ATE1: variants seen among roughly 807,000 people sequenced by gnomAD.
The protein encoded by ATE1 is arginyltransferase 1.
Under a neutral mutation model 70.5 loss-of-function variants are expected in ATE1, and 36 were observed. The ratio of observed to expected loss-of-function variants is 0.51; its 90% confidence interval spans 0.39 to 0.67. The LOEUF (loss-of-function observed/expected upper bound fraction) is 0.67. Among genes scored for constraint, ATE1 ranks in the 30% least tolerant of loss-of-function variants. ATE1 has a pLI of 0.00. For synonymous variants in ATE1, 232 were observed against 219.3 expected (o/e 1.06, Z -0.51); for missense variants, 593 against 629.5 (o/e 0.94, Z 0.62).
chr10:121,854,962 C>A (rs1949192136), intron 8 of ATE1, among the ~76,000 whole-genome samples: 1 of 152,128 alleles, frequency 6.6e-6, no homozygotes, highest in African/African-American at 2.4e-5. Context: ...CCAAAACAAA[C>A]CCACAGTTGC....
At chr10:121,795,597 C>A (rs900312828) in intron 10 of ATE1, among the ~76,000 whole-genome samples, 1 of 152,192 alleles carries the variant, frequency 6.6e-6, no homozygotes, top group Non-Finnish European at 1.5e-5. Flanking sequence ...TGCTCATCAT[C>A]TGAAATCACG....
intron 11 of ATE1, among the ~76,000 whole-genome samples, chr10:121,788,357 T>C (rs934795648): frequency 6.6e-5 from 10 of 152,220 alleles, no homozygotes; most frequent in South Asian, 2.1e-4. Context: ...CTAGGAAACC[T>C]AAACATCTAG....
rs564119220 is a variant in ATE1, at chr10:121,867,036, G to A, written c.975+2970C>T. 3.3e-3 allele frequency among the ~76,000 whole-genome samples: 504 copies of A among 152,124 alleles called. 2 individuals carry two copies. The highest frequency in any genetic ancestry group is 6.2e-3 in the Non-Finnish European group (419 of 68,010). ...TAACTACATTAAAATGTAAATATTGGAACTTGTCTACTTTTAGCTGAGTCC... is the reference window on the plus strand; with the variant it reads ...TAACTACATTAAAATGTAAATATTGAAACTTGTCTACTTTTAGCTGAGTCC... On this transcript the variant is annotated intron_variant, in intron 8 of 11. Coordinates refer to ENST00000224652, the MANE Select transcript of ATE1 (RefSeq NM_001001976.3).
chr10:121,902,504 C>A lies in ATE1; in HGVS notation c.700G>T (p.Ala234Ser). The A allele has an allele frequency of 7.4e-6, 12 of 1,614,160 alleles. No homozygotes were observed. Among genetic ancestry groups the A allele is most frequent in the Non-Finnish European group, 1.0e-5 (12 of 1,180,024 alleles). ...AACAAAGATGGTGGGTGACCTTGAG[C>A]CTGGAAACCCTCAAGTTCTCCAGCT... ...NPAGELEGFQ[A>S]QGHPPSLFPP... Residue 234 changes from alanine (A) to serine (S), a missense_variant, in exon 6 of 12, where the codon GCT becomes TCT. This residue lies in a region of ATE1 where 467 missense variants were observed against 469.6 expected (regional missense o/e 0.99). Transcript: ENST00000224652.
chr10:121,754,719 C>T lies in ATE1; in HGVS notation c.1379-10861G>A, dbSNP rs568523069. Among the ~76,000 whole-genome samples, 3 of 152,290 alleles carry T rather than the reference C, an allele frequency of 2.0e-5. No individual in the cohort carries two copies. In the East Asian group the frequency reaches 5.8e-4, roughly 29 times the overall value. The stretch of plus-strand genomic sequence containing the variant: ...TGACACAATAGGATATTTACACCAT[C>T]TCAGGACAGCTTTCTACAAAATATT... On this transcript the variant is annotated intron_variant, in intron 11 of 11. Coordinates refer to ENST00000224652, the MANE Select transcript of ATE1 (RefSeq NM_001001976.3).
At chr10:121,801,398 A>C (rs1348090459) in intron 10 of ATE1, among the ~76,000 whole-genome samples, 1 of 152,158 alleles carries the variant, frequency 6.6e-6, no homozygotes, top group Non-Finnish European at 1.5e-5. Context: ...CCCTGAGTTA[A>C]TCTTTTTTCT....
intron 8 of ATE1, among the ~76,000 whole-genome samples, chr10:121,866,248 T>A (rs1485272887): frequency 6.6e-6 from 1 of 152,176 alleles, no homozygotes; most frequent in Non-Finnish European, 1.5e-5. Flanking sequence ...AGTCCTCAAG[T>A]GGCCCCTGTG....
intron 11 of ATE1, among the ~76,000 whole-genome samples, chr10:121,780,302 T>C (rs752146979): frequency 5.3e-5 from 8 of 152,148 alleles, no homozygotes; most frequent in Non-Finnish European, 1.0e-4. Flanking sequence ...AGAACCTACA[T>C]AACTCTCTTC....
At chr10:121,774,320 TA>T (rs1244069498) in intron 11 of ATE1, among the ~76,000 whole-genome samples, 2 of 152,192 alleles carry the variant, frequency 1.3e-5, no homozygotes, top group Non-Finnish European at 2.9e-5. Flanking sequence ...TACATTCAGT[TA>T]GTATATCATG....
chr10:121,862,933 G>A (rs1949527416), intron 8 of ATE1, among the ~76,000 whole-genome samples: 1 of 136,970 alleles, frequency 7.3e-6, no homozygotes, highest in African/African-American at 2.5e-5. Flanking sequence ...TAATTTGCAT[G>A]CAATTAAAGG....
intron 7 of ATE1, among the ~76,000 whole-genome samples, chr10:121,879,791 C>A (rs1434026840): frequency 1.3e-5 from 2 of 152,184 alleles, no homozygotes; most frequent in African/African-American, 4.8e-5. Context: ...AAGTAAAAAC[C>A]TGTCCCCTTC....
intron 7 of ATE1, among the ~76,000 whole-genome samples, chr10:121,879,946 G>A (rs1950177316): frequency 6.6e-6 from 1 of 152,116 alleles, no homozygotes; most frequent in South Asian, 2.1e-4. Context: ...AATTACACTA[G>A]GCTAGGCAAA....
intron 3 of ATE1, among the ~76,000 whole-genome samples, chr10:121,914,689 G>A (rs1346927546): frequency 6.6e-6 from 1 of 152,178 alleles, no homozygotes; most frequent in Non-Finnish European, 1.5e-5. Context: ...CAGATGACTA[G>A]ACGACTCCCT....
At chr10:121,798,015 G>A (rs118111492) in intron 10 of ATE1, among the ~76,000 whole-genome samples, 942 of 152,302 alleles carry the variant, frequency 6.2e-3, no homozygotes, top group South Asian at 0.015. Flanking sequence ...TAACTACTGG[G>A]TGAATGAACA....
At chr10:121,794,815 T>C (rs1179308509) in intron 10 of ATE1, among the ~76,000 whole-genome samples, 1 of 151,452 alleles carries the variant, frequency 6.6e-6, no homozygotes, top group African/African-American at 2.4e-5. Flanking sequence ...GAGATGGGGG[T>C]GATCGGACAT....
chr10:121,906,785 G>A (rs187832165), intron 5 of ATE1, among the ~76,000 whole-genome samples: 32 of 152,026 alleles, frequency 2.1e-4, no homozygotes, highest in African/African-American at 6.5e-4. Context: ...TTTTAATGGA[G>A]ATGGGGTTTC....
chr10:121,840,111 A>T (rs1948574891), intron 9 of ATE1, among the ~76,000 whole-genome samples: 1 of 152,168 alleles, frequency 6.6e-6, no homozygotes, highest in Non-Finnish European at 1.5e-5. Context: ...TAAATAGAGA[A>T]AACTGGAGGA....
intron 7 of ATE1, among the ~76,000 whole-genome samples, chr10:121,872,573 TATTATATTCAGTAGA>T (rs1456506357): frequency 6.6e-6 from 1 of 152,154 alleles, no homozygotes; most frequent in Non-Finnish European, 1.5e-5. Context: ...AAACTGTACA[TATTATATTCAGTAGA>T]AATGGTAATA....
chr10:121,831,339 T>C lies in ATE1; in HGVS notation c.1257+5379A>G, dbSNP rs549335773. Among the ~76,000 whole-genome samples the C allele has an allele frequency of 5.3e-5, 8 of 152,352 alleles. No individual in the cohort carries two copies. In the South Asian group the frequency reaches 1.7e-3, roughly 32 times the overall value. ...TTGGAACACTAACTCATATTTTGCA[T>C]ATAAACTTATTAATATTTATATTTA... On this transcript the variant is annotated intron_variant, in intron 10 of 11. Transcript: ENST00000224652.
Sources: allele counts gnomAD v4.1 joint callset (sites outside exome capture counted in the v4.1 genomes callset), GRCh38; gene constraint gnomAD v4.1.1; regional missense constraint gnomAD v4.1.1; transcripts MANE v1.5; gene names NCBI Gene and HGNC (gene_info 2026-07-23, HGNC 2026-07-21).